Variants in MCC observed in about 807,000 individuals in gnomAD.
MCC encodes colorectal mutant cancer protein.
In MCC, 90 loss-of-function variants were observed where a neutral mutation model predicts 116.2. That is an observed-to-expected ratio of 0.77 (90% CI 0.65 to 0.92). The LOEUF (loss-of-function observed/expected upper bound fraction) is 0.92. Ranked by LOEUF, MCC falls within the 40% of genes least tolerant of loss-of-function variation. The pLI is 0.00. For missense variants in MCC, 1,516 were observed against 1,312.2 expected, an observed-to-expected ratio of 1.16 and a Z score of -2.40; for synonymous variants, 578 against 510.5, an observed-to-expected ratio of 1.13 and a Z score of -1.78.
intron 1 of MCC, among the ~76,000 whole-genome samples, chr5:113,452,118 A>G (rs74766981): frequency 0.021 from 3,170 of 152,292 alleles, 124 homozygotes; most frequent in African/African-American, 0.073. Context: ...TGGGGCTTCC[A>G]AGAGGGTGCA....
chr5:113,067,149 T>C (rs1478044654), intron 13 of MCC, among the ~76,000 whole-genome samples: 1 of 152,028 alleles, frequency 6.6e-6, no homozygotes, highest in African/African-American at 2.4e-5. Context: ...TTACTCAAAA[T>C]TGAGGGACAG....
At chr5:113,151,200 T>C in intron 4 of MCC, 109 bp downstream of exon 4, 3 of 679,932 alleles carry the variant, frequency 4.4e-6, no homozygotes. Flanking sequence ...TATTTGCTGA[T>C]AAAGCTGTAA....
intron 4 of MCC, among the ~76,000 whole-genome samples, chr5:113,149,294 C>T (rs892560773): frequency 4.6e-5 from 7 of 151,632 alleles, no homozygotes; most frequent in African/African-American, 1.7e-4. Context: ...AGTTTGGAGA[C>T]CACCACTGAA....
intron 6 of MCC, among the ~76,000 whole-genome samples, chr5:113,113,255 G>A (rs768000258): frequency 1.3e-5 from 2 of 152,204 alleles, no homozygotes; most frequent in Non-Finnish European, 2.9e-5. Context: ...TTCAGATCTC[G>A]TTGTAGCTCT....
chr5:113,038,148 AT>A (rs1471676941), intron 17 of MCC, among the ~76,000 whole-genome samples: 7 of 152,010 alleles, frequency 4.6e-5, no homozygotes, highest in African/African-American at 1.7e-4. Flanking sequence ...ATAATCCTGG[AT>A]CATTAGGAGA....
intron 3 of MCC, among the ~76,000 whole-genome samples, chr5:113,228,635 A>G (rs1365700238): frequency 6.6e-6 from 1 of 152,168 alleles, no homozygotes; most frequent in Non-Finnish European, 1.5e-5. Context: ...AGGACTTAAG[A>G]GGCTTTTATA....
At chr5:113,089,362 C>T (rs989581134) in intron 8 of MCC, among the ~76,000 whole-genome samples, 4 of 152,170 alleles carry the variant, frequency 2.6e-5, no homozygotes, top group African/African-American at 9.7e-5. Context: ...AGGGAAATGA[C>T]ATTAAAAGGT....
chr5:113,482,285 T>C (rs959696344), intron 1 of MCC, among the ~76,000 whole-genome samples: 2 of 152,196 alleles, frequency 1.3e-5, no homozygotes, highest in African/African-American at 2.4e-5. Flanking sequence ...AGGAGTAGCA[T>C]TGCTGGGGTC....
Position 113,281,227 on chromosome 5 carries a change from C to T in MCC, c.627+59292G>A, listed in dbSNP as rs544904846. Reference sequence around the variant, plus strand: ...CATTGCTGCTTCAAAGCAATGCTCTCACCAGTGCTTCTGTAACCTTCTTCC... The same window carrying T: ...CATTGCTGCTTCAAAGCAATGCTCTTACCAGTGCTTCTGTAACCTTCTTCC... On this transcript the variant is annotated intron_variant, in intron 3 of 18. Transcript: ENST00000408903. Among the ~76,000 whole-genome samples the T allele has an allele frequency of 3.3e-5, 5 of 152,356 alleles. No homozygotes were observed. In the South Asian group the frequency reaches 8.3e-4, roughly 25 times the overall value.
chr5:113,392,069 T>C (rs1258546927), intron 1 of MCC, among the ~76,000 whole-genome samples: 1 of 151,888 alleles, frequency 6.6e-6, no homozygotes, highest in Non-Finnish European at 1.5e-5. Context: ...AACAACCCAG[T>C]AGAAAAATGG....
intron 1 of MCC, among the ~76,000 whole-genome samples, chr5:113,451,161 T>C (rs1292263745): frequency 6.6e-6 from 1 of 152,208 alleles, no homozygotes; most frequent in Admixed American, 6.5e-5. Context: ...ACCACACCTA[T>C]AAGATGCTTT....
At chr5:113,296,130 T>A (rs983587818) in intron 3 of MCC, among the ~76,000 whole-genome samples, 3 of 152,172 alleles carry the variant, frequency 2.0e-5, no homozygotes, top group African/African-American at 7.2e-5. Context: ...GGGTCCCAAG[T>A]CCTTGGGCAC....
At chr5:113,226,148 C>A (rs1180100279) in intron 3 of MCC, among the ~76,000 whole-genome samples, 1 of 152,264 alleles carries the variant, frequency 6.6e-6, no homozygotes, top group Non-Finnish European at 1.5e-5. Context: ...CATACTCCAG[C>A]CTGGGCTCTG....
At chr5:113,282,760 A>G (rs1437895423) in intron 3 of MCC, among the ~76,000 whole-genome samples, 1 of 152,192 alleles carries the variant, frequency 6.6e-6, no homozygotes, top group East Asian at 1.9e-4. Context: ...AAGTGCTCCC[A>G]ATCAAGCATG....
In MCC at chr5:113,130,864, A is replaced by G. The variant is rs149236262; in HGVS notation, c.885-8038T>C. Among the ~76,000 whole-genome samples, 595 of 152,284 alleles carry G rather than the reference A, an allele frequency of 3.9e-3. 4 individuals carry two copies. Among genetic ancestry groups the G allele is most frequent in the African/African-American group, 0.013 (560 of 41,552 alleles). ...ACTGTGAGCCAAATAAACCTCTTCT[A>G]TTTATAAATTACCCAGCCTCAGATT... On this transcript the variant is annotated intron_variant, in intron 5 of 18. Transcript: ENST00000408903.
At chr5:113,146,045 T>C (rs1343389611) in intron 4 of MCC, among the ~76,000 whole-genome samples, 1 of 152,172 alleles carries the variant, frequency 6.6e-6, no homozygotes, top group Non-Finnish European at 1.5e-5. Flanking sequence ...AACAAGAATA[T>C]ATTAGAGGAA....
chr5:113,339,868 C>A (rs756903869), intron 3 of MCC, among the ~76,000 whole-genome samples: 1 of 152,202 alleles, frequency 6.6e-6, no homozygotes, highest in Non-Finnish European at 1.5e-5. Flanking sequence ...GCTTTTAGAC[C>A]TTTCCCACAG....
chr5:113,333,830 T>TATGTAC (rs1767773918), intron 3 of MCC, among the ~76,000 whole-genome samples: 1 of 73,962 alleles, frequency 1.4e-5, no homozygotes. Flanking sequence ...CATATATGTA[T>TATGTAC]ATATGTATAT....
Position 113,047,147 on chromosome 5 carries a change from T to G in MCC, c.2655+1946A>C, listed in dbSNP as rs185640382. 2.1e-3 allele frequency among the ~76,000 whole-genome samples: 314 copies of G among 152,214 alleles called. 6 individuals carry two copies. The highest frequency in any genetic ancestry group is 7.1e-3 in the African/African-American group (293 of 41,488). On this transcript the variant is annotated intron_variant, in intron 16 of 18. Coordinates refer to ENST00000408903, the MANE Select transcript of MCC (RefSeq NM_001085377.2). Reference sequence around the variant, plus strand: ...GTCCTGAATCTCCCAAGTGGACATTTGTGTCTGGCTTCTGTCCTCCCATGG... The same window carrying G: ...GTCCTGAATCTCCCAAGTGGACATTGGTGTCTGGCTTCTGTCCTCCCATGG...
Sources: allele counts gnomAD v4.1 joint callset (sites outside exome capture counted in the v4.1 genomes callset), GRCh38; gene constraint gnomAD v4.1.1; transcripts MANE v1.5; gene names NCBI Gene and HGNC (gene_info 2026-07-23, HGNC 2026-07-21).